NCAM1: variants seen among roughly 807,000 people sequenced by gnomAD.
NCAM1 encodes the protein antigen recognized by monoclonal antibody 5.1H11.
In NCAM1, 14 loss-of-function variants were observed where a neutral mutation model predicts 109.8. The ratio of observed to expected loss-of-function variants is 0.13; its 90% CI spans 0.08 to 0.20. NCAM1 has a LOEUF of 0.20. NCAM1 is among the 10% of genes least tolerant of loss of function. NCAM1 has a pLI of 1.00. For synonymous variants in NCAM1, 418 were observed against 442.9 expected (o/e 0.94, Z 0.70); for missense variants, 774 against 1,109.9 (o/e 0.70, Z 4.30).
chr11:113,236,393 G>A, intron 14 of NCAM1: 1 of 1,528,866 alleles, frequency 6.5e-7, no homozygotes, highest in Non-Finnish European at 9.1e-7. Context: ...TTTAGTTCTG[G>A]TCCCTTTTTT....
intron 1 of NCAM1, among the ~76,000 whole-genome samples, chr11:113,165,161 C>G (rs936334197): frequency 6.6e-6 from 1 of 152,146 alleles, no homozygotes; most frequent in African/African-American, 2.4e-5. Flanking sequence ...TGTGAAGTAG[C>G]CTGTGGCATT....
intron 1 of NCAM1, among the ~76,000 whole-genome samples, chr11:113,129,616 A>G (rs747197577): frequency 7.2e-5 from 11 of 152,200 alleles, no homozygotes; most frequent in Non-Finnish European, 1.6e-4. Flanking sequence ...ATATGGCGTT[A>G]TTCTGGAAAA....
intron 1 of NCAM1, among the ~76,000 whole-genome samples, chr11:113,141,511 C>T (rs560908742): frequency 2.8e-4 from 43 of 152,142 alleles, no homozygotes; most frequent in African/African-American, 9.9e-4. Flanking sequence ...TAGCTGGGCG[C>T]GGTGGTGTGT....
In NCAM1 at chr11:113,231,177, T is replaced by C. The variant is rs983299268; in HGVS notation, c.1090-468T>C. On this transcript the variant is annotated intron_variant, in intron 9 of 19. Transcript: ENST00000316851. Reference sequence around the variant, plus strand: ...TTTAATAATTTCTTATGTTGGGCACTTGGAATGTCCTGCCACAGGTACATG... The same window carrying C: ...TTTAATAATTTCTTATGTTGGGCACCTGGAATGTCCTGCCACAGGTACATG... 8 of 1,534,606 alleles carry C rather than the reference T, an allele frequency of 5.2e-6. No individual in the cohort carries two copies. In the East Asian group the frequency reaches 2.0e-4, roughly 38 times the overall value.
chr11:113,240,901 A>G, intron 14 of NCAM1: 1 of 1,452,820 alleles, frequency 6.9e-7, no homozygotes, highest in Non-Finnish European at 9.7e-7. Flanking sequence ...TGTTTTGCCT[A>G]ATGTTATCTC....
intron 1 of NCAM1, among the ~76,000 whole-genome samples, chr11:113,042,890 T>G (rs1953127364): frequency 6.6e-6 from 1 of 152,158 alleles, no homozygotes; most frequent in Non-Finnish European, 1.5e-5. Context: ...CCAGAAAGTG[T>G]CCTTGACTTT....
chr11:113,080,220 AG>A (rs1555086910), intron 1 of NCAM1, among the ~76,000 whole-genome samples: 1 of 152,200 alleles, frequency 6.6e-6, no homozygotes, highest in Non-Finnish European at 1.5e-5. Flanking sequence ...TTAGTAATAT[AG>A]GGTGTGATTT....
At chr11:112,982,398 A>T (rs145962955) in intron 1 of NCAM1, among the ~76,000 whole-genome samples, 201 of 152,088 alleles carry the variant, frequency 1.3e-3, no homozygotes, top group South Asian at 4.2e-3. Context: ...CTTGCTCATC[A>T]GATGGGGAAG....
chr11:113,242,850 A>T, intron 14 of NCAM1: 3 of 1,613,974 alleles, frequency 1.9e-6, no homozygotes, highest in Non-Finnish European at 2.5e-6. Flanking sequence ...CCAGCTAGTG[A>T]GTACAGGGCT....
chr11:113,247,408 G>T (rs1945528804), intron 15 of NCAM1, among the ~76,000 whole-genome samples: 1 of 152,100 alleles, frequency 6.6e-6, no homozygotes, highest in Non-Finnish European at 1.5e-5. Flanking sequence ...ACTTCTCTGA[G>T]AACTGATTGG....
chr11:113,052,122 T>C (rs1953522412), intron 1 of NCAM1, among the ~76,000 whole-genome samples: 1 of 152,200 alleles, frequency 6.6e-6, no homozygotes, highest in South Asian at 2.1e-4. Context: ...GAACTGAATC[T>C]GTGTGGGTAG....
intron 1 of NCAM1, among the ~76,000 whole-genome samples, chr11:113,018,063 T>G (rs1370141203): frequency 6.6e-6 from 1 of 152,196 alleles, no homozygotes; most frequent in Non-Finnish European, 1.5e-5. Context: ...GAAATCGAAA[T>G]ACTTCTGAGG....
At chr11:113,000,835 T>C (rs868941898) in intron 1 of NCAM1, among the ~76,000 whole-genome samples, 26 of 9,676 alleles carry the variant, frequency 2.7e-3, no homozygotes, top group Admixed American at 7.4e-3. Flanking sequence ...TATATATATA[T>C]ATATATATAT....
intron 9 of NCAM1, among the ~76,000 whole-genome samples, chr11:113,224,026 T>C (rs1944762017): frequency 6.6e-6 from 1 of 152,204 alleles, no homozygotes; most frequent in South Asian, 2.1e-4. Context: ...GACGGATGAT[T>C]TCTGCATTTC....
At chr11:113,267,649 G>A (rs1370572060) in intron 17 of NCAM1, among the ~76,000 whole-genome samples, 1 of 152,156 alleles carries the variant, frequency 6.6e-6, no homozygotes, top group Non-Finnish European at 1.5e-5. Context: ...CAGATGGTGG[G>A]CCTTTTAGGC....
rs538675142 is a variant in NCAM1 at position 113,003,613 on chromosome 11, A to G, written c.52+41949A>G. Among the ~76,000 whole-genome samples the G allele has an allele frequency of 5.3e-5, 8 of 152,280 alleles. No individual in the cohort carries two copies. The South Asian group carries it at 1.5e-3, about 28-fold the overall frequency. On this transcript the variant is annotated intron_variant, in intron 1 of 19. Transcript: ENST00000316851. ...CCCTATGTGGAAAAATATGTATTAA[A>G]CCCTTCATTCAAATATTTGGATTAG... is the stretch of plus-strand genomic sequence containing the variant.
At chr11:112,978,997 G>A (rs1940709) in intron 1 of NCAM1, among the ~76,000 whole-genome samples, 45,960 of 151,356 alleles carry the variant, frequency 0.3, 7,940 homozygotes, top group East Asian at 0.67. Context: ...TATTGTATGG[G>A]TTTGGTTGGA....
chr11:113,113,903 C>T (rs1940563486), intron 1 of NCAM1, among the ~76,000 whole-genome samples: 1 of 152,178 alleles, frequency 6.6e-6, no homozygotes, highest in Non-Finnish European at 1.5e-5. Flanking sequence ...AGGACTGGTG[C>T]TTTAGGATTT....
chr11:113,031,884 G>A (rs1355916092), intron 1 of NCAM1, among the ~76,000 whole-genome samples: 5 of 152,146 alleles, frequency 3.3e-5, no homozygotes, highest in African/African-American at 1.2e-4. Context: ...TGTAAATGCA[G>A]AATCTGCAAA....
Sources: gnomAD v4.1 joint callset for allele counts (sites outside exome capture counted in the v4.1 genomes callset) on GRCh38, gnomAD v4.1.1 for gene constraint, MANE v1.5 for transcripts, NCBI Gene and HGNC (gene_info 2026-07-23, HGNC 2026-07-21) for gene names.